The following NCAPD3 variants were observed in gnomAD, a reference collection of about 807,000 sequenced individuals.
The protein encoded by NCAPD3 is condensin-2 complex subunit D3.
A neutral mutation model predicts 182.9 loss-of-function variants in NCAPD3; 105 were observed. The ratio of observed to expected loss-of-function variants is 0.57; its 90% CI spans 0.49 to 0.68. The LOEUF (loss-of-function observed/expected upper bound fraction) is 0.68. Ranked by LOEUF, NCAPD3 falls within the 30% of genes least tolerant of loss-of-function variation. The probability of loss-of-function intolerance (pLI) is 0.00; values close to 1 mark genes in which losing one functional copy is unlikely to be tolerated. For missense variants in NCAPD3, 1,944 were observed against 1,837.0 expected (o/e 1.06, Z -1.07); for synonymous variants, 815 against 679.9 (o/e 1.20, Z -3.09).
intron 8 of NCAPD3, 32 bp from the exon 9 acceptor site, chr11:134,205,003 C>T: frequency 1.9e-6 from 3 of 1,549,652 alleles, no homozygotes. Flanking sequence ...CTACTGTTCA[C>T]AATACAGTCA....
intron 8 of NCAPD3, 54 bp downstream of exon 8, chr11:134,206,545 C>G: frequency 6.3e-7 from 1 of 1,599,302 alleles, no homozygotes. Flanking sequence ...AGTGCAGGGC[C>G]CAGAGTACTG....
chr11:134,185,131 G>A, intron 17 of NCAPD3, 131 bp from the exon 18 acceptor site: 1 of 877,330 alleles, frequency 1.1e-6, no homozygotes, highest in South Asian at 1.6e-5. Flanking sequence ...CAAGCTGTGG[G>A]AACATCAAGG....
intron 27 of NCAPD3, among the ~76,000 whole-genome samples, chr11:134,167,600 TCA>T (rs1943883004): frequency 9.9e-6 from 1 of 101,434 alleles, no homozygotes; most frequent in East Asian, 3.5e-4. Flanking sequence ...AGGGGCACAC[TCA>T]CTAGTGAGAT....
rs749352511 is a variant in NCAPD3, at chr11:134,153,166, G to A, written c.4362C>T (p.Ile1454=). The change falls in exon 34 of 35, where the codon ATC becomes ATT. Residue 1454 remains isoleucine, a synonymous_variant. Transcript: ENST00000534548. ...GTTTATCAGGCAGTGATAAACATAA[G>A]ATGTCATTTCCTTGACTCCGGCCTT... ...KIEGRSQGND[I]LCLSLPDKPP... The A allele has an allele frequency of 2.0e-5, 32 of 1,613,990 alleles. No individual in the cohort carries two copies. Among genetic ancestry groups the A allele is most frequent in the South Asian group, 3.3e-5 (3 of 91,080 alleles).
intron 19 of NCAPD3, among the ~76,000 whole-genome samples, chr11:134,183,831 A>G (rs1944345391): frequency 6.6e-6 from 1 of 152,220 alleles, no homozygotes; most frequent in African/African-American, 2.4e-5. Flanking sequence ...CTTGGTCAAG[A>G]AAAGGAAACA....
intron 27 of NCAPD3, among the ~76,000 whole-genome samples, chr11:134,167,708 GGT>G (rs1234030544): frequency 1.5e-5 from 2 of 131,368 alleles, no homozygotes; most frequent in Admixed American, 7.7e-5. Context: ...TCACTAGTGA[GGT>G]GAGCTTGGGG....
At chr11:134,156,080 C>G (rs547513750) in intron 32 of NCAPD3, among the ~76,000 whole-genome samples, 7 of 152,320 alleles carry the variant, frequency 4.6e-5, no homozygotes, top group Non-Finnish European at 7.4e-5. Flanking sequence ...CACCTTAGCA[C>G]GCTCTCATCT....
upstream of NCAPD3, chr11:134,224,223 T>C (rs140130056): frequency 1.3e-5 from 7 of 531,420 alleles, no homozygotes; most frequent in Non-Finnish European, 2.4e-5. Flanking sequence ...CCGCCTCGTT[T>C]TTCTTCAATG....
At chr11:134,193,622 A>G (rs930899395) in intron 15 of NCAPD3, among the ~76,000 whole-genome samples, 1 of 152,150 alleles carries the variant, frequency 6.6e-6, no homozygotes, top group African/African-American at 2.4e-5. Context: ...GCATGGCAGC[A>G]CCTGCCTGTA....
chr11:134,186,766 C>T (rs1039207036), intron 16 of NCAPD3, among the ~76,000 whole-genome samples: 20 of 151,980 alleles, frequency 1.3e-4, no homozygotes, highest in Admixed American at 6.6e-4. Context: ...GTAACTGTAA[C>T]AAAATAAACA....
chr11:134,186,844 A>C (rs1313361351), intron 16 of NCAPD3, among the ~76,000 whole-genome samples: 1 of 152,222 alleles, frequency 6.6e-6, no homozygotes, highest in Non-Finnish European at 1.5e-5. Context: ...TATTGATTAA[A>C]AATCCATCCA....
At chr11:134,165,924 G>T (rs547869938) in intron 27 of NCAPD3, among the ~76,000 whole-genome samples, 1 of 108,302 alleles carries the variant, frequency 9.2e-6, no homozygotes, top group Non-Finnish European at 1.9e-5. Flanking sequence ...AGATGAGCTT[G>T]GGGGAGCAGC....
At chr11:134,188,898 T>C (rs1165274162) in intron 16 of NCAPD3, among the ~76,000 whole-genome samples, 1 of 152,184 alleles carries the variant, frequency 6.6e-6, no homozygotes, top group Non-Finnish European at 1.5e-5. Flanking sequence ...GGGATGTGCA[T>C]GAGGTCACAG....
At chr11:134,184,594 G>T in intron 19 of NCAPD3, 43 bp downstream of exon 19, 2 of 1,373,994 alleles carry the variant, frequency 1.5e-6, no homozygotes, top group Non-Finnish European at 2.0e-6. Context: ...AACATCCTAA[G>T]CTCAAAGAAG....
At position 134,176,358 on chromosome 11, in the gene NCAPD3, A is replaced by G. The variant is rs1944165420; in HGVS notation, c.3050T>C (p.Leu1017Pro). The G allele has an allele frequency of 6.2e-7, 1 of 1,614,082 alleles. No individual in the cohort carries two copies. The highest frequency in any genetic ancestry group is 8.5e-7 in the Non-Finnish European group (1 of 1,179,940). ...QEEFVKWKGS[L>P]FFRFVSTLID... ...CAGAGTGCTGACAAATCGGAAGAAC[A>G]GGGAGCCCTTCCATTTCACAAATTC... The change falls in exon 24 of 35, where the codon CTG (leucine) becomes CCG (proline). Residue 1017 changes from leucine to proline, a missense_variant. Transcript: ENST00000534548.
In NCAPD3 at chr11:134,209,473, T is replaced by C. The variant is rs757964707; in HGVS notation, c.572A>G (p.Asp191Gly). The C allele has an allele frequency of 2.9e-5, 47 of 1,609,122 alleles. No homozygotes were observed. The Admixed American group carries it at 6.1e-4, about 21-fold the overall frequency. Residue 191 changes from aspartate (D) to glycine (G), a missense_variant, in exon 5 of 35, where the codon GAT becomes GGT. Physicochemically the swap from Asp to Gly is moderately conservative, Grantham distance 94 (BLOSUM62 -1). This residue lies in a region of NCAPD3 where 1,803 missense variants were observed against 1,674.6 expected (regional missense o/e 1.08). Coordinates refer to ENST00000534548, the MANE Select transcript of NCAPD3 (RefSeq NM_015261.3). The stretch of plus-strand genomic sequence containing the variant: ...ATCTTCTTGTTCTTCTATAATTTCA[T>C]CCATCTAGATTATGAAGAAATGTAC... ...KPPRREDIEM[D>G]EIIEEQEDEN... is the part of the protein sequence containing the mutation.
intron 13 of NCAPD3, among the ~76,000 whole-genome samples, chr11:134,199,282 A>T (rs1221040848): frequency 2.0e-5 from 3 of 152,204 alleles, no homozygotes; most frequent in Non-Finnish European, 4.4e-5. Context: ...ATTAACAAGC[A>T]GCAGCAAACA....
chr11:134,208,846 G>T lies in NCAPD3; in HGVS notation c.882+18C>A. ...TTCGATTCAACTAGTAACCAAATTA[G>T]GTTCTCATCTCCTTTACCTTATCTC... is the stretch of plus-strand genomic sequence containing the variant. On this transcript the variant is annotated intron_variant, in intron 7 of 34. Coordinates refer to ENST00000534548, the MANE Select transcript of NCAPD3 (RefSeq NM_015261.3). The T allele has an allele frequency of 6.3e-7, 1 of 1,576,338 alleles. No homozygotes were observed. The highest frequency in any genetic ancestry group is 8.7e-7 in the Non-Finnish European group (1 of 1,149,482).
chr11:134,207,649 C>A (rs1295741045), intron 7 of NCAPD3, among the ~76,000 whole-genome samples: 4 of 145,432 alleles, frequency 2.8e-5, no homozygotes, highest in Non-Finnish European at 5.9e-5. Flanking sequence ...GGTGCTGAGG[C>A]AGGAGAATCA....
Sources: gnomAD v4.1 joint callset for allele counts (sites outside exome capture counted in the v4.1 genomes callset) on GRCh38, gnomAD v4.1.1 for gene constraint, gnomAD v4.1.1 regional missense constraint, MANE v1.5 for transcripts, NCBI Gene and HGNC (gene_info 2026-07-23, HGNC 2026-07-21) for gene names.